GRK5: variants seen among roughly 807,000 people sequenced by gnomAD.
GRK5 encodes G protein-coupled receptor kinase 5.
In GRK5, 40 loss-of-function variants were observed where a neutral mutation model predicts 78.4. The ratio of observed to expected loss-of-function variants is 0.51; its 90% CI spans 0.40 to 0.66. GRK5 has a LOEUF of 0.66. Ranked by LOEUF, GRK5 falls within the 30% of genes least tolerant of loss-of-function variation. The probability of loss-of-function intolerance (pLI) is 0.00; values close to 1 mark genes in which losing one functional copy is unlikely to be tolerated. For synonymous variants in GRK5, 289 were observed against 296.8 expected (o/e 0.97, Z 0.27); for missense variants, 598 against 759.9 (o/e 0.79, Z 2.50).
intron 1 of GRK5, among the ~76,000 whole-genome samples, chr10:119,292,977 C>T (rs970460709): frequency 6.6e-6 from 1 of 152,042 alleles, no homozygotes; most frequent in Non-Finnish European, 1.5e-5. Flanking sequence ...TCATTGAATA[C>T]TGGGAAACTT....
At chr10:119,332,603 T>G (rs1850800232) in intron 2 of GRK5, among the ~76,000 whole-genome samples, 3 of 152,144 alleles carry the variant, frequency 2.0e-5, no homozygotes, top group African/African-American at 7.2e-5. Flanking sequence ...AAAGATGACA[T>G]TTTTCTCCAC....
Position 119,259,182 on chromosome 10 carries a change from A to G in GRK5, c.52+51213A>G, listed in dbSNP as rs1469427778. ...CAGGTTCACGCCATTCTCCTGCCTC[A>G]GCCTCCCGAGTAGCTGGGACTATAG... On this transcript the variant is annotated intron_variant, in intron 1 of 15. Transcript: ENST00000392870. Among the ~76,000 whole-genome samples the G allele has an allele frequency of 2.7e-5, 4 of 149,684 alleles. No homozygotes were observed. In the East Asian group the frequency reaches 7.9e-4, roughly 30 times the overall value.
intron 1 of GRK5, among the ~76,000 whole-genome samples, chr10:119,235,289 C>T (rs540801910): frequency 6.6e-6 from 1 of 152,182 alleles, no homozygotes; most frequent in East Asian, 1.9e-4. Flanking sequence ...GGAGGGGGAA[C>T]AAGGTGGACA....
intron 2 of GRK5, among the ~76,000 whole-genome samples, chr10:119,367,946 A>G (rs534604921): frequency 6.6e-6 from 1 of 152,360 alleles, no homozygotes; most frequent in South Asian, 2.1e-4. Flanking sequence ...GTGGCCCAGG[A>G]AGAAGCCAGG....
chr10:119,230,748 A>T (rs1848813737), intron 1 of GRK5, among the ~76,000 whole-genome samples: 1 of 147,992 alleles, frequency 6.8e-6, no homozygotes, highest in African/African-American at 2.5e-5. Context: ...ACTGAAGCGG[A>T]TCACTTGAGC....
intron 1 of GRK5, among the ~76,000 whole-genome samples, chr10:119,312,221 T>G (rs994866865): frequency 4.6e-5 from 7 of 152,222 alleles, no homozygotes; most frequent in Non-Finnish European, 1.0e-4. Flanking sequence ...CAGCCTAAAT[T>G]ATTCACTTTA....
intron 1 of GRK5, among the ~76,000 whole-genome samples, chr10:119,324,804 C>T (rs190053967): frequency 2.0e-5 from 3 of 152,194 alleles, no homozygotes; most frequent in Non-Finnish European, 4.4e-5. Flanking sequence ...AAAGAGTGAG[C>T]GTGGCATGGG....
rs538010108 is a variant in GRK5, at chr10:119,220,379, T to C, written c.52+12410T>C. ...ATTCTCTATAATATATAGCAAAATA[T>C]AAATTAAGGAAGGAGAAACCCGATT... On this transcript the variant is annotated intron_variant, in intron 1 of 15. Coordinates refer to ENST00000392870, the MANE Select transcript of GRK5 (RefSeq NM_005308.3). Among the ~76,000 whole-genome samples, 12 of 152,290 alleles carry C rather than the reference T, an allele frequency of 7.9e-5. No homozygotes were observed. In the Middle Eastern group the frequency reaches 0.01, roughly 129 times the overall value.
intron 4 of GRK5, among the ~76,000 whole-genome samples, chr10:119,416,368 G>C (rs1181869696): frequency 1.3e-5 from 2 of 152,258 alleles, no homozygotes; most frequent in Non-Finnish European, 2.9e-5. Context: ...GCCCCAGGAG[G>C]GGGTCAGCCT....
At chr10:119,435,831 A>T (rs775033498) in intron 8 of GRK5, among the ~76,000 whole-genome samples, 2 of 152,218 alleles carry the variant, frequency 1.3e-5, no homozygotes, top group Non-Finnish European at 2.9e-5. Context: ...TGATAAAGAC[A>T]TACCTGAGAC....
In GRK5 at chr10:119,379,149, TG is replaced by T. The variant is rs1049456779; in HGVS notation, c.149-1662del. Among the ~76,000 whole-genome samples the T allele has an allele frequency of 6.6e-6, 1 of 152,052 alleles. No individual in the cohort carries two copies. Among genetic ancestry groups the T allele is most frequent in the African/African-American group, 2.4e-5 (1 of 41,414 alleles). On this transcript the variant is annotated intron_variant, in intron 2 of 15. Coordinates refer to ENST00000392870, the MANE Select transcript of GRK5 (RefSeq NM_005308.3). The surrounding 1 kb of genome is among the most constrained non-coding windows in gnomAD (Gnocchi z 4.1). ...TTATCACATCCATAACGATGAGAAA[TG>T]GGGTTTATTAATGTGCCAGCATCTG...
chr10:119,274,388 A>G (rs1316412094), intron 1 of GRK5, among the ~76,000 whole-genome samples: 1 of 152,242 alleles, frequency 6.6e-6, no homozygotes, highest in Non-Finnish European at 1.5e-5. Context: ...GGAAAAGCGC[A>G]CTGGCGAGAG....
intron 1 of GRK5, among the ~76,000 whole-genome samples, chr10:119,216,390 C>G (rs577293277): frequency 6.6e-6 from 1 of 152,356 alleles, no homozygotes; most frequent in East Asian, 1.9e-4. Flanking sequence ...CCTGAAGTGG[C>G]AGAGGCCACA....
chr10:119,301,473 G>A (rs1246958647), intron 1 of GRK5, among the ~76,000 whole-genome samples: 3 of 152,314 alleles, frequency 2.0e-5, no homozygotes, highest in Admixed American at 1.3e-4. Context: ...GCAGCCCCAC[G>A]AAGTACACAG....
At chr10:119,293,155 T>G (rs1850013856) in intron 1 of GRK5, among the ~76,000 whole-genome samples, 1 of 152,272 alleles carries the variant, frequency 6.6e-6, no homozygotes, top group South Asian at 2.1e-4. Flanking sequence ...AGTGGCTTAC[T>G]CTCTTTGAAT....
At chr10:119,310,127 C>T (rs981266743) in intron 1 of GRK5, among the ~76,000 whole-genome samples, 2 of 152,206 alleles carry the variant, frequency 1.3e-5, no homozygotes, top group Admixed American at 6.5e-5. Context: ...AGGATCTCTA[C>T]AGCATTTGTT....
chr10:119,316,018 T>G (rs1358243495), intron 1 of GRK5, among the ~76,000 whole-genome samples: 1 of 152,204 alleles, frequency 6.6e-6, no homozygotes. Flanking sequence ...GGGGTCTCTG[T>G]AACCTGTGCC....
intron 13 of GRK5, among the ~76,000 whole-genome samples, chr10:119,448,707 T>A (rs1407524509): frequency 6.6e-6 from 1 of 152,024 alleles, no homozygotes; most frequent in Non-Finnish European, 1.5e-5. Flanking sequence ...TGACGCCAGG[T>A]TCTGGGCCAG....
At chr10:119,291,954 C>T (rs530763306) in intron 1 of GRK5, among the ~76,000 whole-genome samples, 87 of 104,328 alleles carry the variant, frequency 8.3e-4, no homozygotes, top group Non-Finnish European at 1.3e-3. Context: ...TTTCCTCCTT[C>T]TCCTCCTCTT....
Sources: allele counts gnomAD v4.1 joint callset (sites outside exome capture counted in the v4.1 genomes callset), GRCh38; gene constraint gnomAD v4.1.1; non-coding constraint Gnocchi (gnomAD v3.1); transcripts MANE v1.5; gene names NCBI Gene and HGNC (gene_info 2026-07-23, HGNC 2026-07-21).